DNAH3: variants seen among roughly 807,000 people sequenced by gnomAD.
DNAH3 encodes axonemal beta dynein heavy chain 3.
DNAH3 carries 332 observed loss-of-function variants against 432.5 expected under a neutral mutation model. The observed-to-expected ratio is 0.77, with a 90% CI of 0.70 to 0.84. The LOEUF (loss-of-function observed/expected upper bound fraction) is 0.84, where lower values mean the gene tolerates loss of function less well. Ranked by LOEUF, DNAH3 falls within the 40% of genes least tolerant of loss-of-function variation. The pLI, the probability that DNAH3 is intolerant of heterozygous loss-of-function variation, is 0.00. For missense variants in DNAH3, 4,861 were observed against 5,114.0 expected (o/e 0.95, Z 1.51); for synonymous variants, 1,956 against 1,900.2 (o/e 1.03, Z -0.76).
At chr16:20,962,842 G>T (rs2084886070) in intron 53 of DNAH3, among the ~76,000 whole-genome samples, 1 of 152,060 alleles carries the variant, frequency 6.6e-6, no homozygotes, top group Non-Finnish European at 1.5e-5. Flanking sequence ...ATGTTTTATA[G>T]CAATGGAGGT....
Position 20,985,878 on chromosome 16 carries a change from C to T in DNAH3, c.7027-163G>A, listed in dbSNP as rs146904415. ...TGTTTTGTTTCGTTTTGTTTTGAGA[C>T]AGAGTCTCACTCTGTCGCCCAGGCT... is the stretch of plus-strand genomic sequence containing the variant. On this transcript the variant is annotated intron_variant, in intron 47 of 61. Transcript: ENST00000261383. Among the ~76,000 whole-genome samples, 901 of 152,038 alleles carry T rather than the reference C, an allele frequency of 5.9e-3. 10 individuals carry two copies. Among genetic ancestry groups the T allele is most frequent in the African/African-American group, 0.02 (849 of 41,482 alleles).
At position 21,143,654 on chromosome 16, in the gene DNAH3, A is replaced by C. The variant is rs184810168; in HGVS notation, c.448+1527T>G. ...TCATGATCTTGAACATTTGGGCATTAATTATTTGCTACATGTCCTTAAAGC... is the reference window on the plus strand; with the variant it reads ...TCATGATCTTGAACATTTGGGCATTCATTATTTGCTACATGTCCTTAAAGC... On this transcript the variant is annotated intron_variant, in intron 3 of 61. Coordinates refer to ENST00000261383, the Ensembl canonical transcript of DNAH3. Among the ~76,000 whole-genome samples, 214 of 152,326 alleles carry C rather than the reference A, an allele frequency of 1.4e-3. 2 individuals are homozygous for C. Among genetic ancestry groups the C allele is most frequent in the Non-Finnish European group, 2.4e-3 (166 of 68,028 alleles).
intron 44 of DNAH3, 139 bp from the exon 45 acceptor site, chr16:20,988,204 A>G: frequency 1.1e-6 from 1 of 891,222 alleles, no homozygotes; most frequent in Non-Finnish European, 1.7e-6. Context: ...GGCAACCTCT[A>G]GCCACCTGCA....
chr16:21,026,609 G>A (rs1204172026), intron 38 of DNAH3, among the ~76,000 whole-genome samples: 1 of 148,794 alleles, frequency 6.7e-6, no homozygotes, highest in Non-Finnish European at 1.5e-5. Flanking sequence ...GCTGAGGCAG[G>A]AGAATCGCTT....
At chr16:21,033,336 C>G (rs1185362666) in intron 36 of DNAH3, among the ~76,000 whole-genome samples, 1 of 152,154 alleles carries the variant, frequency 6.6e-6, no homozygotes, top group Non-Finnish European at 1.5e-5. Context: ...AAAACAGACA[C>G]ACACACGAAA....
At chr16:21,069,389 A>T in intron 23 of DNAH3, 26 bp downstream of exon 23, 1 of 1,591,438 alleles carries the variant, frequency 6.3e-7, no homozygotes, top group Middle Eastern at 1.7e-4. Context: ...TCTGCTGGTA[A>T]GAGTTATTAG....
intron 55 of DNAH3, 124 bp downstream of exon 55, chr16:20,954,687 AAT>A: frequency 9.4e-7 from 1 of 1,059,272 alleles, no homozygotes; most frequent in South Asian, 1.9e-5. Flanking sequence ...TTGCCTGGAA[AAT>A]ATTTATACCG....
At chr16:20,991,088 C>T (rs1486933707) in intron 44 of DNAH3, among the ~76,000 whole-genome samples, 1 of 152,144 alleles carries the variant, frequency 6.6e-6, no homozygotes, top group Non-Finnish European at 1.5e-5. Flanking sequence ...TCCACAAAAG[C>T]CTCTCGACAG....
chr16:20,997,049 A>T (rs1030737819), intron 44 of DNAH3: 30 of 462,228 alleles, frequency 6.5e-5, no homozygotes, highest in East Asian at 6.9e-5. Context: ...TTCCTATGAG[A>T]CTCTCTGTTT....
exon 22 of DNAH3, chr16:21,070,753 A>G (rs755542282): frequency 3.1e-6 from 5 of 1,613,528 alleles, no homozygotes; most frequent in Non-Finnish European, 1.7e-6. Flanking sequence ...GGAGCCACAC[A>G]TGGTCTGGGT....
chr16:20,943,328 T>C (rs2083899598), intron 58 of DNAH3, among the ~76,000 whole-genome samples: 1 of 152,004 alleles, frequency 6.6e-6, no homozygotes, highest in East Asian at 1.9e-4. Flanking sequence ...TCCACCCACC[T>C]TGGCCTCCCA....
At chr16:21,141,888 T>C (rs186984063) in intron 3 of DNAH3, among the ~76,000 whole-genome samples, 1 of 150,904 alleles carries the variant, frequency 6.6e-6, no homozygotes, top group African/African-American at 2.4e-5. Flanking sequence ...CCATCTCTAC[T>C]GAAAAATACA....
At position 21,143,358 on chromosome 16, in the gene DNAH3, G is replaced by A. The variant is rs1262572384; in HGVS notation, c.448+1823C>T. On this transcript the variant is annotated intron_variant, in intron 3 of 61. Transcript: ENST00000261383. The stretch of plus-strand genomic sequence containing the variant: ...AGATTGTGCCTTTATAAAAAAAACA[G>A]CAAAAAGATTTCTCACCCCTTCTCC... Among the ~76,000 whole-genome samples, 3 of 152,080 alleles carry A rather than the reference G, an allele frequency of 2.0e-5. No homozygotes were observed. The East Asian group carries it at 5.8e-4, about 29-fold the overall frequency.
intron 7 of DNAH3, among the ~76,000 whole-genome samples, chr16:21,131,946 T>C (rs1220547049): frequency 6.6e-6 from 1 of 151,592 alleles, no homozygotes; most frequent in Non-Finnish European, 1.5e-5. Flanking sequence ...TCTCTCAAAT[T>C]ATACTATTAA....
At chr16:21,039,828 C>T (rs1036804960) in intron 33 of DNAH3, 24 bp downstream of exon 33, 1 of 1,542,012 alleles carries the variant, frequency 6.5e-7, no homozygotes, top group African/African-American at 1.4e-5. Context: ...CTTTAGAATG[C>T]ACTGGAAAAC....
chr16:21,000,572 T>C, intron 42 of DNAH3, 54 bp from the exon 43 acceptor site: 1 of 1,504,522 alleles, frequency 6.6e-7, no homozygotes, highest in East Asian at 2.3e-5. Context: ...AAGCTGGAGG[T>C]CTTGGCATTC....
intron 15 of DNAH3, among the ~76,000 whole-genome samples, chr16:21,105,747 G>A (rs916785201): frequency 1.3e-5 from 2 of 152,094 alleles, no homozygotes; most frequent in African/African-American, 4.8e-5. Flanking sequence ...CTGGATGACA[G>A]AGCAAGACTC....
chr16:20,944,370 G>A, intron 58 of DNAH3, 126 bp downstream of exon 58: 1 of 1,093,816 alleles, frequency 9.1e-7, no homozygotes, highest in Non-Finnish European at 1.4e-6. Flanking sequence ...CTCCTTCCCT[G>A]CCCTTGGCCA....
At chr16:21,017,947 T>C (rs1392374229) in intron 41 of DNAH3, among the ~76,000 whole-genome samples, 2 of 152,206 alleles carry the variant, frequency 1.3e-5, no homozygotes, top group Admixed American at 6.5e-5. Flanking sequence ...GCTCTTTATT[T>C]GTTTTAGTAC....
Sources: gnomAD v4.1 joint callset for allele counts (sites outside exome capture counted in the v4.1 genomes callset) on GRCh38, gnomAD v4.1.1 for gene constraint, MANE v1.5 for transcripts, NCBI Gene and HGNC (gene_info 2026-07-23, HGNC 2026-07-21) for gene names.